Variants in FARS2 observed in about 807,000 individuals in gnomAD.
FARS2 encodes the protein phenylalanyl-tRNA synthetase 2, mitochondrial.
Under a neutral mutation model 46.4 loss-of-function variants are expected in FARS2, and 40 were observed. The ratio of observed to expected loss-of-function variants is 0.86; its 90% confidence interval spans 0.67 to 1.12. FARS2 has a LOEUF of 1.12. FARS2 is among the 50% of genes most tolerant of loss of function. The pLI is 0.00. For missense variants in FARS2, 513 were observed against 567.9 expected (o/e 0.90, Z 0.98); for synonymous variants, 234 against 214.9 (o/e 1.09, Z -0.78).
intron 2 of FARS2, among the ~76,000 whole-genome samples, chr6:5,377,108 A>G (rs1476325657): frequency 6.6e-6 from 1 of 152,220 alleles, no homozygotes; most frequent in Non-Finnish European, 1.5e-5. Flanking sequence ...TTTGCAAAGA[A>G]TGGTGAATTT....
At chr6:5,758,203 T>C (rs898618255) in intron 6 of FARS2, among the ~76,000 whole-genome samples, 1 of 152,190 alleles carries the variant, frequency 6.6e-6, no homozygotes, top group Admixed American at 6.5e-5. Flanking sequence ...CAGCCAGTTT[T>C]TTTTTTTAAA....
intron 3 of FARS2, among the ~76,000 whole-genome samples, chr6:5,406,059 T>C (rs1451459623): frequency 6.6e-6 from 1 of 152,204 alleles, no homozygotes; most frequent in Non-Finnish European, 1.5e-5. Context: ...TATATTTTGT[T>C]TTTTTAAATC....
At chr6:5,450,813 C>T (rs1160192851) in intron 4 of FARS2, among the ~76,000 whole-genome samples, 1 of 152,040 alleles carries the variant, frequency 6.6e-6, no homozygotes, top group Non-Finnish European at 1.5e-5. Context: ...CAGGGTTTCC[C>T]TCCTCCAGTC....
intron 3 of FARS2, among the ~76,000 whole-genome samples, chr6:5,415,819 A>T (rs905655442): frequency 8.5e-5 from 13 of 152,096 alleles, no homozygotes; most frequent in Non-Finnish European, 5.9e-5. Context: ...CGATGCGCCC[A>T]CTTCAGCCTC....
chr6:5,360,922 A>T (rs562955110), intron 1 of FARS2, among the ~76,000 whole-genome samples: 1 of 152,232 alleles, frequency 6.6e-6, no homozygotes, highest in African/African-American at 2.4e-5. Flanking sequence ...GAGAATGCTT[A>T]TATTACCTGA....
intron 6 of FARS2, among the ~76,000 whole-genome samples, chr6:5,741,963 T>G (rs952014555): frequency 6.6e-6 from 1 of 152,190 alleles, no homozygotes; most frequent in Admixed American, 6.5e-5. Context: ...GGACTTCTCT[T>G]TAGTTATCAG....
intron 5 of FARS2, among the ~76,000 whole-genome samples, chr6:5,559,972 T>C (rs908813382): frequency 1.3e-5 from 2 of 152,140 alleles, no homozygotes; most frequent in African/African-American, 2.4e-5. Flanking sequence ...ATATTTATAA[T>C]TGTTCAAAAA....
At chr6:5,722,831 G>A (rs761906284) in intron 6 of FARS2, among the ~76,000 whole-genome samples, 18 of 152,116 alleles carry the variant, frequency 1.2e-4, no homozygotes, top group Non-Finnish European at 2.5e-4. Context: ...TCTCTAGGGG[G>A]CCACGACTGG....
intron 6 of FARS2, among the ~76,000 whole-genome samples, chr6:5,625,001 C>T (rs1296526551): frequency 6.6e-6 from 1 of 152,344 alleles, no homozygotes; most frequent in Non-Finnish European, 1.5e-5. Context: ...GTCCATCCAC[C>T]TGTGTCTCCT....
In FARS2 at chr6:5,445,724, G is replaced by A. The variant is rs145048930; in HGVS notation, c.904+14552G>A. On this transcript the variant is annotated intron_variant, in intron 4 of 6. Coordinates refer to ENST00000274680, the MANE Select transcript of FARS2 (RefSeq NM_006567.5). ...CTCTGTTTGAGGGAGGGAGTGTGCC[G>A]TATTTTCCAGACTTCTTTGACCAGA... Among the ~76,000 whole-genome samples the A allele has an allele frequency of 1.6e-3, 246 of 152,184 alleles. 1 individual carries two copies. The highest frequency in any genetic ancestry group is 6.8e-3 in the Middle Eastern group (2 of 294).
chr6:5,622,003 C>G (rs1775800911), intron 6 of FARS2, among the ~76,000 whole-genome samples: 1 of 152,234 alleles, frequency 6.6e-6, no homozygotes, highest in South Asian at 2.1e-4. Context: ...GCTTCATTAT[C>G]CAGTGCAAAT....
chr6:5,729,522 CA>C (rs1760489132), intron 6 of FARS2, among the ~76,000 whole-genome samples: 4 of 152,204 alleles, frequency 2.6e-5, no homozygotes, highest in Admixed American at 1.3e-4. Flanking sequence ...AAGCAGCCTG[CA>C]CCTGGCCGTA....
At chr6:5,739,733 G>A (rs1761200186) in intron 6 of FARS2, among the ~76,000 whole-genome samples, 2 of 152,200 alleles carry the variant, frequency 1.3e-5, no homozygotes, top group East Asian at 1.9e-4. Context: ...GGAGGACAGT[G>A]GGTGAGGGGT....
At chr6:5,631,138 T>A (rs1776273374) in intron 6 of FARS2, among the ~76,000 whole-genome samples, 1 of 152,052 alleles carries the variant, frequency 6.6e-6, no homozygotes, top group Non-Finnish European at 1.5e-5. Flanking sequence ...GAAAGAAAGC[T>A]GGGAAAGGAA....
chr6:5,258,855 TAG>T (rs1764801843), upstream of FARS2, among the ~76,000 whole-genome samples: 3 of 152,202 alleles, frequency 2.0e-5, no homozygotes, highest in Admixed American at 2.0e-4. Context: ...GCCTTTCAGG[TAG>T]AGTCTTGAAT....
At chr6:5,717,616 T>C (rs1759585299) in intron 6 of FARS2, among the ~76,000 whole-genome samples, 1 of 152,152 alleles carries the variant, frequency 6.6e-6, no homozygotes, top group Admixed American at 6.5e-5. Context: ...GCAAGACTAC[T>C]TCATGAGTGG....
intron 3 of FARS2, among the ~76,000 whole-genome samples, chr6:5,426,902 A>G (rs1310132653): frequency 6.6e-6 from 1 of 152,232 alleles, no homozygotes; most frequent in Non-Finnish European, 1.5e-5. Flanking sequence ...CTGGGATTAC[A>G]GGCATGAGCC....
intron 4 of FARS2, among the ~76,000 whole-genome samples, chr6:5,439,593 ACTGGTGGG>A (rs1350833867): frequency 6.6e-6 from 1 of 152,198 alleles, no homozygotes; most frequent in African/African-American, 2.4e-5. Context: ...AGAGGGATAG[ACTGGTGGG>A]CTCATGCCCC....
At chr6:5,354,576 C>A (rs145010987) in intron 1 of FARS2, among the ~76,000 whole-genome samples, 2 of 150,790 alleles carry the variant, frequency 1.3e-5, no homozygotes, top group African/African-American at 4.9e-5. Flanking sequence ...TGCAGTGGCA[C>A]GATCTCTGCT....
Sources: gnomAD v4.1 joint callset for allele counts (sites outside exome capture counted in the v4.1 genomes callset) on GRCh38, gnomAD v4.1.1 for gene constraint, MANE v1.5 for transcripts, NCBI Gene and HGNC (gene_info 2026-07-23, HGNC 2026-07-21) for gene names.